SULT6B1: variants seen among roughly 807,000 people sequenced by gnomAD.
SULT6B1 encodes sulfotransferase family 6B member 1.
In SULT6B1, 44 loss-of-function variants were observed where a neutral mutation model predicts 37.2. That is an observed-to-expected ratio of 1.18 (90% CI 0.93 to 1.52). SULT6B1 has a LOEUF of 1.52. SULT6B1 is among the 40% of genes most tolerant of loss of function. The pLI is 0.00. For synonymous variants in SULT6B1, 140 were observed against 126.0 expected, an observed-to-expected ratio of 1.11 and a Z score of -0.74; for missense variants, 450 against 361.0, an observed-to-expected ratio of 1.25 and a Z score of -2.00.
Position 37,183,461 on chromosome 2 carries a change from G to T in SULT6B1, c.366C>A (p.Asp122Glu), listed in dbSNP as rs543668184. The change falls in exon 3 of 7, where the codon GAC becomes GAA. Residue 122 changes from aspartate (D) to glutamate (E), a missense_variant. Asp to Glu is a conservative substitution (Grantham distance 45). Transcript: ENST00000535679. ...TCTCGAAGATAGACCCAGGTAATTT[G>T]TCATAGTGGAGGTGAGTTGCCAAAA... ...PRILATHLHY[D>E]KLPGSIFENK... The T allele has an allele frequency of 3.1e-6, 5 of 1,614,118 alleles. No individual in the cohort carries two copies. Among genetic ancestry groups the T allele is most frequent in the East Asian group, 2.2e-5 (1 of 44,882 alleles).
chr2:37,190,261 C>G (rs1676755644), upstream of SULT6B1, among the ~76,000 whole-genome samples: 1 of 152,158 alleles, frequency 6.6e-6, no homozygotes, highest in African/African-American at 2.4e-5. Flanking sequence ...CTCTCCCATT[C>G]TCTTCCCCAC....
rs748859635 is a variant in SULT6B1, at chr2:37,175,131, C to T, written c.624+1G>A. 3 of 1,528,884 alleles carry T rather than the reference C, an allele frequency of 2.0e-6. No homozygotes were observed. The highest frequency in any genetic ancestry group is 3.9e-5 in the Admixed American group (2 of 50,998). 94.7% of individuals were successfully genotyped at this position (1,528,884 alleles called of 1,614,324 possible). On this transcript the variant is annotated splice_donor_variant, in intron 5 of 6. Coordinates refer to ENST00000535679, the MANE Select transcript of SULT6B1 (RefSeq NM_001367551.1). LOFTEE classifies it high-confidence loss of function. ...CTCTAAAATATCAATAATAATCTCACCTCTTTCAGGTCTTCATATAATATG... is the reference window on the plus strand; with the variant it reads ...CTCTAAAATATCAATAATAATCTCATCTCTTTCAGGTCTTCATATAATATG...
At chr2:37,177,656 T>A (rs954772459) in intron 4 of SULT6B1, among the ~76,000 whole-genome samples, 1 of 152,116 alleles carries the variant, frequency 6.6e-6, no homozygotes, top group Non-Finnish European at 1.5e-5. Context: ...TGACAGTTAA[T>A]GATGACAGTT....
At chr2:37,187,060 T>C (rs1386340930) in intron 2 of SULT6B1, among the ~76,000 whole-genome samples, 1 of 152,200 alleles carries the variant, frequency 6.6e-6, no homozygotes, top group Non-Finnish European at 1.5e-5. Flanking sequence ...GGCTATACAG[T>C]ATAGTTGTTA....
chr2:37,183,852 C>T (rs894812960), intron 2 of SULT6B1, among the ~76,000 whole-genome samples: 1 of 152,126 alleles, frequency 6.6e-6, no homozygotes, highest in African/African-American at 2.4e-5. Context: ...CCATGTTGGC[C>T]TGGCTGGTCT....
At chr2:37,190,594 C>T (rs979162436), upstream of SULT6B1, among the ~76,000 whole-genome samples, 7 of 152,204 alleles carry the variant, frequency 4.6e-5, 1 homozygote, top group South Asian at 6.2e-4. Flanking sequence ...TTCTAGAAGA[C>T]GAGAGGTGAG....
chr2:37,174,754 C>T (rs1002070991), intron 5 of SULT6B1, among the ~76,000 whole-genome samples: 1 of 152,046 alleles, frequency 6.6e-6, no homozygotes, highest in Admixed American at 6.6e-5. Context: ...AGCAATCACT[C>T]ACTAGATATT....
intron 2 of SULT6B1, among the ~76,000 whole-genome samples, chr2:37,184,550 T>C (rs1676628688): frequency 6.6e-6 from 1 of 152,222 alleles, no homozygotes; most frequent in Admixed American, 6.5e-5. Context: ...ACTGCTTGGT[T>C]GCAGCTACAA....
upstream of SULT6B1, among the ~76,000 whole-genome samples, chr2:37,191,734 C>T (rs372009418): frequency 3.3e-5 from 5 of 151,954 alleles, no homozygotes; most frequent in Non-Finnish European, 7.4e-5. Context: ...AAGGTGGGTA[C>T]GAAAAAAACT....
upstream of SULT6B1, among the ~76,000 whole-genome samples, chr2:37,190,375 G>T (rs938246755): frequency 3.3e-5 from 5 of 152,126 alleles, no homozygotes; most frequent in African/African-American, 1.2e-4. Flanking sequence ...ATGACTTCTA[G>T]TTATTCTTAG....
chr2:37,192,625 T>C (rs751640209), upstream of SULT6B1, among the ~76,000 whole-genome samples: 2 of 152,236 alleles, frequency 1.3e-5, no homozygotes, highest in Non-Finnish European at 2.9e-5. Context: ...CTGAACTCCT[T>C]GCCAATCTGC....
chr2:37,178,785 C>G (rs1410468979), intron 4 of SULT6B1, among the ~76,000 whole-genome samples: 1 of 152,124 alleles, frequency 6.6e-6, no homozygotes, highest in African/African-American at 2.4e-5. Context: ...AGCTCAGTGT[C>G]ATGGTTTTTT....
At chr2:37,185,126 T>TTA (rs1451096592) in intron 2 of SULT6B1, among the ~76,000 whole-genome samples, 1 of 152,168 alleles carries the variant, frequency 6.6e-6, no homozygotes. Context: ...TCAGATTAAG[T>TTA]TATAGACTGT....
At chr2:37,193,739 C>G (rs999006681) in intron 1 of SULT6B1, among the ~76,000 whole-genome samples, 2 of 151,790 alleles carry the variant, frequency 1.3e-5, no homozygotes, top group African/African-American at 4.8e-5. Context: ...GGACAGCAAA[C>G]CTAGTACATA....
intron 5 of SULT6B1, 22 bp downstream of exon 5, chr2:37,175,110 A>T: frequency 2.0e-6 from 3 of 1,465,116 alleles, no homozygotes; most frequent in Non-Finnish European, 1.8e-6. Context: ...ATTTTGCTCT[A>T]AAATATCAAT....
chr2:37,177,442 GA>G (rs1387881897), intron 4 of SULT6B1, among the ~76,000 whole-genome samples: 29 of 129,368 alleles, frequency 2.2e-4, no homozygotes, highest in African/African-American at 8.0e-4. Flanking sequence ...AAGAAAGAAA[GA>G]AAAAAAAGAG....
chr2:37,184,777 A>C (rs1320945284), intron 2 of SULT6B1, among the ~76,000 whole-genome samples: 1 of 152,034 alleles, frequency 6.6e-6, no homozygotes, highest in Non-Finnish European at 1.5e-5. Context: ...TGTTGCGGTG[A>C]GCTGAGATCG....
chr2:37,172,170 C>A (rs910885592), intron 5 of SULT6B1, among the ~76,000 whole-genome samples: 2 of 152,064 alleles, frequency 1.3e-5, no homozygotes, highest in Admixed American at 6.6e-5. Flanking sequence ...CACACCTCAG[C>A]CTTCTGAATA....
At chr2:37,189,702 C>T (rs909709836), upstream of SULT6B1, among the ~76,000 whole-genome samples, 3 of 152,132 alleles carry the variant, frequency 2.0e-5, no homozygotes, top group Admixed American at 1.3e-4. Context: ...AATGCGTGTG[C>T]GGGGAAGGTG....
Sources: gnomAD v4.1 joint callset for allele counts (sites outside exome capture counted in the v4.1 genomes callset) on GRCh38, gnomAD v4.1.1 for gene constraint, MANE v1.5 for transcripts, NCBI Gene and HGNC (gene_info 2026-07-23, HGNC 2026-07-21) for gene names.